Variants in PTPRN2 observed in about 807,000 individuals in gnomAD.
The protein encoded by PTPRN2 is receptor-type tyrosine-protein phosphatase N2.
PTPRN2 carries 74 observed loss-of-function variants against 118.8 expected under a neutral mutation model. That is an observed-to-expected ratio of 0.62 (90% CI 0.52 to 0.76). PTPRN2 has a LOEUF of 0.76. PTPRN2 is among the 30% of genes least tolerant of loss of function. The probability of loss-of-function intolerance (pLI) is 0.00; values close to 1 mark genes in which losing one functional copy is unlikely to be tolerated. For missense variants in PTPRN2, 1,481 were observed against 1,394.4 expected (o/e 1.06, Z -0.99); for synonymous variants, 641 against 608.0 (o/e 1.05, Z -0.80).
chr7:158,542,237 G>A (rs183599560), intron 1 of PTPRN2, among the ~76,000 whole-genome samples: 194 of 152,250 alleles, frequency 1.3e-3, no homozygotes, highest in Admixed American at 4.0e-3. Flanking sequence ...TGCAACTTCC[G>A]CCTCCCAGGT....
At chr7:158,204,581 G>A (rs777768787) in intron 4 of PTPRN2, among the ~76,000 whole-genome samples, 9 of 151,962 alleles carry the variant, frequency 5.9e-5, no homozygotes, top group African/African-American at 9.7e-5. Context: ...TCAGGAATCC[G>A]ACAGTGCCAG....
Position 158,563,972 on chromosome 7 carries a change from G to C in PTPRN2, c.112+23586C>G, listed in dbSNP as rs888737110. Among the ~76,000 whole-genome samples the C allele has an allele frequency of 3.9e-5, 6 of 152,190 alleles. No individual in the cohort carries two copies. The highest frequency in any genetic ancestry group is 7.3e-5 in the Non-Finnish European group (5 of 68,040). Reference sequence around the variant, plus strand: ...GGGATGTCTACGAAACACACATCATGACAGCTCCTGCATCAGGGGGCTGCT... The same window carrying C: ...GGGATGTCTACGAAACACACATCATCACAGCTCCTGCATCAGGGGGCTGCT... On this transcript the variant is annotated intron_variant, in intron 1 of 22. Coordinates refer to ENST00000389418, the MANE Select transcript of PTPRN2 (RefSeq NM_002847.5). The surrounding 1 kb of genome is among the most constrained non-coding windows in gnomAD (Gnocchi z 5.1).
At chr7:157,682,592 T>C in intron 13 of PTPRN2, 133 bp downstream of exon 13, 2 of 895,468 alleles carry the variant, frequency 2.2e-6, no homozygotes, top group Admixed American at 3.8e-5. Flanking sequence ...TTCCAAACTG[T>C]CCTCATAAAA....
intron 1 of PTPRN2, among the ~76,000 whole-genome samples, chr7:158,531,805 G>A (rs1293353098): frequency 6.6e-6 from 1 of 152,166 alleles, no homozygotes; most frequent in Non-Finnish European, 1.5e-5. Flanking sequence ...AAAGAACGTG[G>A]TGAACAGGAG....
At chr7:158,350,754 G>A (rs555055937) in intron 2 of PTPRN2, among the ~76,000 whole-genome samples, 4 of 152,262 alleles carry the variant, frequency 2.6e-5, no homozygotes, top group South Asian at 4.1e-4. Flanking sequence ...CCAGTGCCTC[G>A]CCTCACCTCA....
At chr7:157,606,317 G>A (rs565656818) in intron 15 of PTPRN2, among the ~76,000 whole-genome samples, 15 of 152,348 alleles carry the variant, frequency 9.8e-5, no homozygotes, top group Middle Eastern at 3.4e-3. Flanking sequence ...CTGCAGCTAC[G>A]GTTTGGGCAG....
At chr7:158,127,139 C>T (rs1488039730) in intron 9 of PTPRN2, among the ~76,000 whole-genome samples, 1 of 152,216 alleles carries the variant, frequency 6.6e-6, no homozygotes, top group African/African-American at 2.4e-5. Context: ...ACTTTTTGCA[C>T]ATTCTTCCCT....
rs531614647 is a variant in PTPRN2, at chr7:158,125,283, C to T, written c.1556+8394G>A. Among the ~76,000 whole-genome samples the T allele has an allele frequency of 5.5e-3, 817 of 148,156 alleles. 7 individuals are homozygous for T. The highest frequency in any genetic ancestry group is 0.02 in the African/African-American group (773 of 39,418). On this transcript the variant is annotated intron_variant, in intron 9 of 22. Transcript: ENST00000389418. ...ACCTCCCTGCCTCAAGTCCCTCCCA[C>T]GGCCGACCCCCTGCCTCAAGTCCCT... is the stretch of plus-strand genomic sequence containing the variant.
At chr7:158,178,419 T>C (rs951281699) in intron 5 of PTPRN2, among the ~76,000 whole-genome samples, 1 of 152,032 alleles carries the variant, frequency 6.6e-6, no homozygotes, top group African/African-American at 2.4e-5. Flanking sequence ...ACCCATAGCT[T>C]GGCTCCCACT....
intron 12 of PTPRN2, among the ~76,000 whole-genome samples, chr7:157,759,540 A>T (rs991373913): frequency 6.6e-6 from 1 of 152,214 alleles, no homozygotes; most frequent in African/African-American, 2.4e-5. Flanking sequence ...CAGACTTTAA[A>T]GAATGAACTG....
chr7:158,412,218 CT>C (rs369434970), intron 2 of PTPRN2, among the ~76,000 whole-genome samples: 50 of 108,684 alleles, frequency 4.6e-4, no homozygotes, highest in African/African-American at 1.5e-3. Flanking sequence ...CAGGGCCCAT[CT>C]CAGCACCCTC....
chr7:157,895,681 G>C (rs73745008), intron 12 of PTPRN2, among the ~76,000 whole-genome samples: 1,734 of 151,634 alleles, frequency 0.011, 31 homozygotes, highest in African/African-American at 0.039. Flanking sequence ...GTGTAGCATC[G>C]AGGGAGGGAG....
intron 3 of PTPRN2, among the ~76,000 whole-genome samples, chr7:158,229,489 T>A (rs1314613414): frequency 2.0e-5 from 3 of 152,056 alleles, no homozygotes; most frequent in African/African-American, 7.2e-5. Context: ...AACTCAGTGA[T>A]TTCCAAGATA....
intron 2 of PTPRN2, among the ~76,000 whole-genome samples, chr7:158,451,215 CCT>C (rs1300158344): frequency 1.3e-5 from 2 of 152,148 alleles, no homozygotes; most frequent in Non-Finnish European, 1.5e-5. Flanking sequence ...TTGTCAGGGT[CCT>C]CTCTGTTTTG....
At chr7:158,181,744 T>A (rs1409598015) in intron 5 of PTPRN2, among the ~76,000 whole-genome samples, 1 of 152,200 alleles carries the variant, frequency 6.6e-6, no homozygotes, top group Non-Finnish European at 1.5e-5. Flanking sequence ...GAAGTGTTCA[T>A]AATAGTCGTG....
intron 1 of PTPRN2, among the ~76,000 whole-genome samples, chr7:158,495,779 G>T (rs1435700491): frequency 6.6e-6 from 1 of 152,198 alleles, no homozygotes; most frequent in East Asian, 1.9e-4. Context: ...GGCTGCCTCT[G>T]CCAGGCTGGG....
At chr7:158,142,432 TGTAA>T (rs2150474983) in intron 6 of PTPRN2, among the ~76,000 whole-genome samples, 1 of 152,330 alleles carries the variant, frequency 6.6e-6, no homozygotes, top group South Asian at 2.1e-4. Flanking sequence ...TCTCAAAATC[TGTAA>T]GTAACAAACT....
At chr7:158,186,960 T>C (rs1451793973) in intron 5 of PTPRN2, among the ~76,000 whole-genome samples, 2 of 152,242 alleles carry the variant, frequency 1.3e-5, no homozygotes, top group African/African-American at 4.8e-5. Flanking sequence ...TGGTAAGTAA[T>C]GAATTTCTGA....
intron 11 of PTPRN2, among the ~76,000 whole-genome samples, chr7:157,924,683 T>G (rs1416902108): frequency 6.6e-6 from 1 of 152,254 alleles, no homozygotes; most frequent in African/African-American, 2.4e-5. Flanking sequence ...ATTAAAGACT[T>G]GCCGAGTCAG....
Sources: gnomAD v4.1 joint callset for allele counts (sites outside exome capture counted in the v4.1 genomes callset) on GRCh38, gnomAD v4.1.1 for gene constraint, Gnocchi (gnomAD v3.1) non-coding constraint, MANE v1.5 for transcripts, NCBI Gene and HGNC (gene_info 2026-07-23, HGNC 2026-07-21) for gene names.